Variants in PDZD2 observed in about 807,000 individuals in gnomAD.
PDZD2 encodes PDZ domain-containing protein 2.
Under a neutral mutation model 220.7 loss-of-function variants are expected in PDZD2, and 90 were observed. The observed-to-expected ratio is 0.41, with a 90% CI of 0.34 to 0.49. PDZD2 has a LOEUF of 0.49. PDZD2 is among the 20% of genes least tolerant of loss of function. The pLI, the probability that PDZD2 is intolerant of heterozygous loss-of-function variation, is 0.28. For missense variants in PDZD2, 3,174 were observed against 3,608.5 expected (o/e 0.88, Z 3.08); for synonymous variants, 1,375 against 1,450.5 (o/e 0.95, Z 1.18).
chr5:31,712,476 CTCTCT>C (rs1561399507), intron 1 of PDZD2, among the ~76,000 whole-genome samples: 21 of 84,730 alleles, frequency 2.5e-4, no homozygotes, highest in African/African-American at 7.4e-4. Context: ...CTCTCTCTCT[CTCTCT>C]CCCCCTCTCT....
chr5:31,690,309 C>T (rs780856847), intron 1 of PDZD2, among the ~76,000 whole-genome samples: 1 of 152,022 alleles, frequency 6.6e-6, no homozygotes, highest in Non-Finnish European at 1.5e-5. Context: ...ACAGCCTTGC[C>T]AAGTGTCTGG....
At chr5:31,690,130 A>G (rs998006316) in intron 1 of PDZD2, among the ~76,000 whole-genome samples, 12 of 152,140 alleles carry the variant, frequency 7.9e-5, no homozygotes, top group African/African-American at 2.9e-4. Flanking sequence ...CAAATCCCTA[A>G]GGTGGTTGCA....
In PDZD2 at chr5:31,799,247, C is replaced by A. The variant is rs746796789; in HGVS notation, c.-2C>A. On this transcript the variant is annotated 5_prime_UTR_variant, in exon 2 of 25. Transcript: ENST00000438447. ...TGATGCTGGTGTCTGGGAGTGAGCACCATGCCCATCACCCAGGACAATGCC... is the reference window on the plus strand; with the variant it reads ...TGATGCTGGTGTCTGGGAGTGAGCAACATGCCCATCACCCAGGACAATGCC... 7.0e-6 allele frequency: 11 copies of A among 1,579,798 alleles called. No individual in the cohort carries two copies. The highest frequency in any genetic ancestry group is 9.5e-6 in the Non-Finnish European group (11 of 1,158,614).
At chr5:31,855,526 T>TG (rs1758373767) in intron 2 of PDZD2, among the ~76,000 whole-genome samples, 1 of 152,294 alleles carries the variant, frequency 6.6e-6, no homozygotes, top group East Asian at 1.9e-4. Flanking sequence ...TTCAGAACCT[T>TG]GGGGCCTGTG....
intron 2 of PDZD2, among the ~76,000 whole-genome samples, chr5:31,815,373 T>C (rs945807815): frequency 4.0e-5 from 6 of 151,814 alleles, no homozygotes; most frequent in Admixed American, 6.6e-5. Context: ...GGATCCTGTA[T>C]AGAATGTAGA....
intron 1 of PDZD2, among the ~76,000 whole-genome samples, chr5:31,750,175 C>T (rs1233403531): frequency 1.3e-5 from 2 of 152,190 alleles, no homozygotes; most frequent in Admixed American, 6.5e-5. Flanking sequence ...CTAGCGCCTG[C>T]CATGCCAAAT....
rs1190832549 is a variant in PDZD2, at chr5:31,957,996, AC to A, written c.477-25156del. Among the ~76,000 whole-genome samples the A allele has an allele frequency of 3.9e-5, 6 of 152,198 alleles. No homozygotes were observed. In the East Asian group the frequency reaches 1.2e-3, roughly 29 times the overall value. On this transcript the variant is annotated intron_variant, in intron 2 of 24. Coordinates refer to ENST00000438447, the MANE Select transcript of PDZD2 (RefSeq NM_178140.4). ...CCAAACATCATAATTTTAAAAACAA[AC>A]CCAGAAATTTTATACCATTTAAATC...
At chr5:31,808,978 CA>C (rs5867105) in intron 2 of PDZD2, among the ~76,000 whole-genome samples, 14,914 of 145,172 alleles carry the variant, frequency 0.1, 804 homozygotes, top group African/African-American at 0.13. Context: ...GACTCCATCT[CA>C]AAAAAAAAAA....
Position 32,089,389 on chromosome 5 carries a change from A to T in PDZD2, c.5941A>T (p.Thr1981Ser). Reference sequence around the variant, plus strand: ...CTCAGTGTCTGACACGAGCATCAGGACATTTGTCTCGCCCCTGACCTCTCC... The same window carrying T: ...CTCAGTGTCTGACACGAGCATCAGGTCATTTGTCTCGCCCCTGACCTCTCC... ...KPSVSDTSIRTFVSPLTSPKP... is the reference protein window; with the variant it reads ...KPSVSDTSIRSFVSPLTSPKP... Residue 1981 changes from threonine (T) to serine (S), a missense_variant, in exon 20 of 25, where the codon ACA becomes TCA. Thr to Ser is a moderately conservative substitution (Grantham distance 58). Coordinates refer to ENST00000438447, the MANE Select transcript of PDZD2 (RefSeq NM_178140.4). 1 of 1,614,042 alleles carries T rather than the reference A, an allele frequency of 6.2e-7. No individual in the cohort carries two copies. The highest frequency in any genetic ancestry group is 1.3e-5 in the African/African-American group (1 of 75,056).
intron 6 of PDZD2, among the ~76,000 whole-genome samples, chr5:32,015,126 G>T (rs1753688812): frequency 6.6e-6 from 1 of 151,532 alleles, no homozygotes; most frequent in Non-Finnish European, 1.5e-5. Flanking sequence ...ATTTTTAGTA[G>T]AGATAGGGTT....
At chr5:31,817,034 AC>A (rs762746263) in intron 2 of PDZD2, among the ~76,000 whole-genome samples, 4 of 151,986 alleles carry the variant, frequency 2.6e-5, no homozygotes, top group African/African-American at 4.8e-5. Flanking sequence ...ATACAAAAAA[AC>A]ATTAGCCGGG....
chr5:31,828,633 C>T (rs531381166), intron 2 of PDZD2, among the ~76,000 whole-genome samples: 1 of 152,298 alleles, frequency 6.6e-6, no homozygotes, highest in African/African-American at 2.4e-5. Flanking sequence ...ATAGCCAGGA[C>T]TACAGGCATA....
At chr5:31,970,649 C>T (rs1464482733) in intron 2 of PDZD2, among the ~76,000 whole-genome samples, 1 of 151,696 alleles carries the variant, frequency 6.6e-6, no homozygotes, top group African/African-American at 2.4e-5. Context: ...GAGTGAGACT[C>T]CACCTCAAAA....
At chr5:32,100,092 T>C (rs1326558649) in intron 23 of PDZD2, 1 of 152,254 alleles carries the variant, frequency 6.6e-6, no homozygotes, top group Non-Finnish European at 1.5e-5. Flanking sequence ...GTGACTCCAG[T>C]ATGCAGCCAG....
chr5:31,772,526 C>A (rs1263687308), intron 1 of PDZD2, among the ~76,000 whole-genome samples: 2 of 152,148 alleles, frequency 1.3e-5, no homozygotes, highest in African/African-American at 2.4e-5. Context: ...TGAGAAAATT[C>A]TTTGAGTGCT....
intron 1 of PDZD2, among the ~76,000 whole-genome samples, chr5:31,697,548 C>G (rs1747426336): frequency 6.6e-6 from 1 of 152,216 alleles, no homozygotes; most frequent in Non-Finnish European, 1.5e-5. Context: ...CTGGAGATAA[C>G]CACTTACTGT....
chr5:32,105,126 C>A (rs1486677742), intron 24 of PDZD2, among the ~76,000 whole-genome samples: 1 of 150,894 alleles, frequency 6.6e-6, no homozygotes, highest in Non-Finnish European at 1.5e-5. Context: ...AGAGGGAGAC[C>A]TTGTCTCAAA....
chr5:32,013,105 T>C (rs1443062765), intron 6 of PDZD2, among the ~76,000 whole-genome samples: 1 of 152,138 alleles, frequency 6.6e-6, no homozygotes, highest in Non-Finnish European at 1.5e-5. Flanking sequence ...GACCTTATAT[T>C]AACATGCTTA....
chr5:32,043,493 T>C (rs1346425150), intron 7 of PDZD2, among the ~76,000 whole-genome samples: 1 of 152,262 alleles, frequency 6.6e-6, no homozygotes, highest in East Asian at 1.9e-4. Flanking sequence ...CCAATAAACA[T>C]GAGTGCCTTC....
Sources: allele counts gnomAD v4.1 joint callset (sites outside exome capture counted in the v4.1 genomes callset), GRCh38; gene constraint gnomAD v4.1.1; transcripts MANE v1.5; gene names NCBI Gene and HGNC (gene_info 2026-07-23, HGNC 2026-07-21).